Variants in CLHC1 observed in about 807,000 individuals in gnomAD.
CLHC1 encodes clathrin heavy chain linker domain-containing protein 1.
Under a neutral mutation model 69.5 loss-of-function variants are expected in CLHC1, and 72 were observed. The ratio of observed to expected loss-of-function variants is 1.04; its 90% CI spans 0.86 to 1.26. CLHC1 has a LOEUF of 1.26. Ranked by LOEUF, CLHC1 falls within the 50% of genes most tolerant of loss-of-function variation. CLHC1 has a pLI of 0.00. For synonymous variants in CLHC1, 223 were observed against 224.3 expected, an observed-to-expected ratio of 0.99 and a Z score of 0.05; for missense variants, 790 against 679.3, an observed-to-expected ratio of 1.16 and a Z score of -1.81.
At chr2:55,195,773 T>C (rs1409378109) in intron 9 of CLHC1, among the ~76,000 whole-genome samples, 1 of 152,158 alleles carries the variant, frequency 6.6e-6, no homozygotes, top group Non-Finnish European at 1.5e-5. Context: ...CACTCCAGCC[T>C]GGGTGACAGA....
At chr2:55,204,362 T>G (rs1336451088) in intron 9 of CLHC1, among the ~76,000 whole-genome samples, 1 of 152,216 alleles carries the variant, frequency 6.6e-6, no homozygotes, top group Non-Finnish European at 1.5e-5. Context: ...TATGAAAATG[T>G]GCTCCACATC....
intron 4 of CLHC1, among the ~76,000 whole-genome samples, chr2:55,213,841 T>C (rs1276954692): frequency 6.6e-6 from 1 of 152,132 alleles, no homozygotes; most frequent in African/African-American, 2.4e-5. Flanking sequence ...TTGGACTCAA[T>C]CTGAATATGA....
intron 2 of CLHC1, chr2:55,224,367 G>C (rs893396651): frequency 4.5e-6 from 2 of 445,282 alleles, no homozygotes; most frequent in African/African-American, 2.0e-5. Flanking sequence ...ACTTGGGGCA[G>C]AAGCTCCCCC....
intron 9 of CLHC1, among the ~76,000 whole-genome samples, chr2:55,198,862 T>C (rs1671674042): frequency 6.6e-6 from 1 of 151,960 alleles, no homozygotes; most frequent in African/African-American, 2.4e-5. Context: ...GCAGGACATG[T>C]TTAAAATGTT....
At chr2:55,210,973 C>T (rs1672939391) in intron 5 of CLHC1, among the ~76,000 whole-genome samples, 1 of 152,094 alleles carries the variant, frequency 6.6e-6, no homozygotes, top group Admixed American at 6.5e-5. Context: ...GTATTACAGG[C>T]ATGAGCCACT....
intron 9 of CLHC1, among the ~76,000 whole-genome samples, chr2:55,192,109 G>A (rs1670988130): frequency 6.6e-6 from 1 of 151,438 alleles, no homozygotes; most frequent in Non-Finnish European, 1.5e-5. Flanking sequence ...CTGTCAGATT[G>A]TTGTTGTTGC....
chr2:55,180,670 A>G lies in CLHC1; in HGVS notation c.1224T>C (p.Tyr408=). The G allele has an allele frequency of 6.2e-7, 1 of 1,614,058 alleles. No homozygotes were observed. The highest frequency in any genetic ancestry group is 8.5e-7 in the Non-Finnish European group (1 of 1,179,972). The change falls in exon 11 of 13, where the codon TAT becomes TAC. Residue 408 remains tyrosine, a synonymous_variant. Coordinates refer to ENST00000401408, the MANE Select transcript of CLHC1 (RefSeq NM_152385.4). ...SEEAGDVICD[Y]GEQDTYNKAK... ...CCTTGTTATAAGTATCCTGCTCCCC[A>G]TAATCACAAATCACATCCCCAGCCT... is the stretch of plus-strand genomic sequence containing the variant.
intron 9 of CLHC1, among the ~76,000 whole-genome samples, chr2:55,195,932 A>C (rs1164144565): frequency 1.3e-5 from 2 of 152,242 alleles, no homozygotes; most frequent in African/African-American, 2.4e-5. Flanking sequence ...TGAAAGAGGC[A>C]CTGAAGAGGG....
In CLHC1 at chr2:55,175,740, AGCAT is replaced by A. The variant is rs1160017864; in HGVS notation, c.*46_*49del. The A allele has an allele frequency of 3.8e-6, 5 of 1,332,952 alleles. No individual in the cohort carries two copies. The highest frequency in any genetic ancestry group is 4.2e-6 in the Non-Finnish European group (4 of 954,580). The allele number at this position is 1,332,952 out of a possible 1,614,324, so 82.6% of individuals were successfully genotyped here. A position where few individuals can be genotyped will look rare whatever the true frequency, so the allele number is the denominator to read the frequency against. ...ACGTTAAAATCAGTTTTTCCCAACC[AGCAT>A]ACATAAGGTGTTGTACAAGCTCCCT... On this transcript the variant is annotated 3_prime_UTR_variant, in exon 13 of 13. Coordinates refer to ENST00000401408, the MANE Select transcript of CLHC1 (RefSeq NM_152385.4).
chr2:55,226,473 T>C (rs937266187), intron 2 of CLHC1, among the ~76,000 whole-genome samples: 4 of 152,238 alleles, frequency 2.6e-5, no homozygotes, highest in African/African-American at 9.6e-5. Flanking sequence ...AACTTGAAAT[T>C]AAACTCTATA....
intron 9 of CLHC1, 151 bp from the exon 10 acceptor site, chr2:55,181,895 T>A: frequency 1.5e-6 from 1 of 646,500 alleles, no homozygotes. Context: ...GCTTATAGAT[T>A]AAACTTTATC....
Position 55,209,514 on chromosome 2 carries a change from T to A in CLHC1, c.704A>T (p.His235Leu), listed in dbSNP as rs958563752. The A allele has an allele frequency of 2.5e-6, 4 of 1,603,754 alleles. No homozygotes were observed. The highest frequency in any genetic ancestry group is 1.7e-5 in the Admixed American group (1 of 58,828). The change falls in exon 7 of 13, where the codon CAT becomes CTT. Residue 235 changes from histidine (H) to leucine (L), a missense_variant and splice_region_variant. His to Leu is a moderately conservative substitution (Grantham distance 99). Transcript: ENST00000401408. The part of the protein sequence containing the change: ...ENLNKKLQFC[H>L]QRLQIISQAL... ...CTGTGAAATTATCTGCAGTCTTTGA[T>A]GACTAAAAAGATAAAAAACGTCAAT... is the stretch of plus-strand genomic sequence containing the variant.
In CLHC1 at chr2:55,209,652, G is replaced by T. The variant is rs1342455550; in HGVS notation, c.679C>A (p.Leu227Met). 3.1e-6 allele frequency: 5 copies of T among 1,613,826 alleles called. No individual in the cohort carries two copies. The South Asian group carries it at 3.3e-5, about 11-fold the overall frequency. Reference sequence around the variant, plus strand: ...TACCAAAACTGCAATTTTTTGTTCAGATTTTCAGCTACATCTCGCCGTTTT... The same window carrying T: ...TACCAAAACTGCAATTTTTTGTTCATATTTTCAGCTACATCTCGCCGTTTT... ...LLKRRDVAEN[L>M]NKKLQFCHQR... The change falls in exon 6 of 13, where the codon CTG becomes ATG. Residue 227 changes from leucine to methionine, a missense_variant. Transcript: ENST00000401408.
chr2:55,228,779 A>G (rs984254895), intron 1 of CLHC1, among the ~76,000 whole-genome samples: 2 of 152,234 alleles, frequency 1.3e-5, no homozygotes, highest in Admixed American at 6.5e-5. Context: ...ATTCTAGACA[A>G]TGGAGACACA....
In CLHC1 at chr2:55,205,907, AC is replaced by A. The variant is rs1458202453; in HGVS notation, c.1006+362del. Among the ~76,000 whole-genome samples the A allele has an allele frequency of 3.0e-3, 461 of 151,834 alleles. 3 individuals carry two copies. Among genetic ancestry groups the A allele is most frequent in the African/African-American group, 0.011 (457 of 41,346 alleles). On this transcript the variant is annotated intron_variant, in intron 9 of 12. Coordinates refer to ENST00000401408, the MANE Select transcript of CLHC1 (RefSeq NM_152385.4). ...GAAACTCTGTCTCAAAAAAAAAAAA[AC>A]TTACCAAATTGTGTACTTTAATATG...
chr2:55,206,218 GA>G, intron 9 of CLHC1, 51 bp downstream of exon 9: 5 of 1,073,396 alleles, frequency 4.7e-6, no homozygotes, highest in Non-Finnish European at 5.6e-6. Flanking sequence ...TTTTATGAGA[GA>G]AAAAGTAGTA....
rs1188057139 is a variant in CLHC1 at position 55,174,156 on chromosome 2, T to C, written c.*1634A>G. Among the ~76,000 whole-genome samples, 1 of 152,232 alleles carries C rather than the reference T, an allele frequency of 6.6e-6. No homozygotes were observed. Among genetic ancestry groups the C allele is most frequent in the Non-Finnish European group, 1.5e-5 (1 of 68,046 alleles). Reference sequence around the variant, plus strand: ...TGAAGGCCAAAAATCAAAATATTATTTTGATAAGGCTTTTAGTAATAAATT... The same window carrying C: ...TGAAGGCCAAAAATCAAAATATTATCTTGATAAGGCTTTTAGTAATAAATT... On this transcript the variant is annotated 3_prime_UTR_variant, in exon 13 of 13. Coordinates refer to ENST00000401408, the MANE Select transcript of CLHC1 (RefSeq NM_152385.4).
intron 12 of CLHC1, among the ~76,000 whole-genome samples, chr2:55,176,729 T>C (rs1669424444): frequency 6.6e-6 from 1 of 152,208 alleles, no homozygotes; most frequent in Non-Finnish European, 1.5e-5. Flanking sequence ...ATTATTTTTA[T>C]ATGAAAATAT....
In CLHC1 at chr2:55,224,253, T is replaced by C. The variant is rs1179218275; in HGVS notation, c.-82-1760A>G. ...AGGAGCCAGGGGCCAGCTGATAATGTACTTGATTCCACAGTCAAAGGAGCT... is the reference window on the plus strand; with the variant it reads ...AGGAGCCAGGGGCCAGCTGATAATGCACTTGATTCCACAGTCAAAGGAGCT... On this transcript the variant is annotated intron_variant, in intron 2 of 12. Transcript: ENST00000401408. 8 of 347,494 alleles carry C rather than the reference T, an allele frequency of 2.3e-5. No individual in the cohort carries two copies. In the East Asian group the frequency reaches 6.1e-4, roughly 26 times the overall value. 21.5% of individuals were successfully genotyped at this position (347,494 alleles called of 1,614,324 possible).
Sources: allele counts gnomAD v4.1 joint callset (sites outside exome capture counted in the v4.1 genomes callset), GRCh38; gene constraint gnomAD v4.1.1; transcripts MANE v1.5; gene names NCBI Gene and HGNC (gene_info 2026-07-23, HGNC 2026-07-21).